Variants in ZNF195 observed in about 807,000 individuals in gnomAD.
ZNF195 encodes zinc finger protein 195.
In ZNF195, 11 loss-of-function variants were observed where a neutral mutation model predicts 19.5. That is an observed-to-expected ratio of 0.57 (90% CI 0.36 to 0.94). ZNF195 has a LOEUF of 0.94. ZNF195 is among the 40% of genes least tolerant of loss of function. The pLI is 0.01. For synonymous variants in ZNF195, 214 were observed against 248.1 expected (o/e 0.86, Z 1.29); for missense variants, 582 against 709.0 (o/e 0.82, Z 2.03).
intron 3 of ZNF195, chr11:3,366,777 G>A: frequency 3.3e-6 from 1 of 299,904 alleles, no homozygotes. Flanking sequence ...AGCATAGGCC[G>A]GGCACACTGG....
chr11:3,365,497 C>G (rs1848833415), intron 3 of ZNF195, among the ~76,000 whole-genome samples: 1 of 152,162 alleles, frequency 6.6e-6, no homozygotes, highest in African/African-American at 2.4e-5. Context: ...GAAATTAAAA[C>G]CCTTGAACAT....
intron 3 of ZNF195, chr11:3,366,567 C>T (rs7117249): frequency 0.64 from 97,195 of 152,210 alleles, 31,601 homozygotes; most frequent in Middle Eastern, 0.73. Context: ...GATATGGAAA[C>T]GCCCAACAAG....
At chr11:3,367,314 A>G (rs946203804) in intron 3 of ZNF195, among the ~76,000 whole-genome samples, 7 of 152,072 alleles carry the variant, frequency 4.6e-5, no homozygotes, top group African/African-American at 1.7e-4. Flanking sequence ...AAACAGTAAT[A>G]TGGAATTACA....
At chr11:3,372,896 T>A (rs1245615699) in intron 1 of ZNF195, among the ~76,000 whole-genome samples, 1 of 152,168 alleles carries the variant, frequency 6.6e-6, no homozygotes. Flanking sequence ...CACGCTTGGA[T>A]AATTTTTGTA....
At chr11:3,367,142 C>G (rs893143888) in intron 3 of ZNF195, 3 of 315,568 alleles carry the variant, frequency 9.5e-6, no homozygotes, top group African/African-American at 6.6e-5. Context: ...ATTTCTAGAT[C>G]TATATCAAAA....
In ZNF195 at chr11:3,377,640, G is replaced by A. The variant is rs750251870; in HGVS notation, c.3+1398C>T. 1.6e-5 allele frequency: 20 copies of A among 1,240,810 alleles called. No homozygotes were observed. In the East Asian group the frequency reaches 9.2e-4, roughly 57 times the overall value. 76.9% of individuals were successfully genotyped at this position (1,240,810 alleles called of 1,614,324 possible). A position where few individuals can be genotyped will look rare whatever the true frequency, so the allele number is the denominator to read the frequency against. ...ACCTCTTTAGAGGAAGAGTAGACCAGGAGATTTCTCTCAGCCCAGGGCATC... is the reference window on the plus strand; with the variant it reads ...ACCTCTTTAGAGGAAGAGTAGACCAAGAGATTTCTCTCAGCCCAGGGCATC... On this transcript the variant is annotated intron_variant, in intron 1 of 5. Coordinates refer to ENST00000399602, the MANE Select transcript of ZNF195 (RefSeq NM_001130520.3).
chr11:3,376,852 C>T (rs1160515440), intron 1 of ZNF195, among the ~76,000 whole-genome samples: 1 of 152,162 alleles, frequency 6.6e-6, no homozygotes, highest in Non-Finnish European at 1.5e-5. Flanking sequence ...ACAAATTCAT[C>T]CTGCAAAAAG....
chr11:3,367,560 T>C (rs1848960563), intron 3 of ZNF195, among the ~76,000 whole-genome samples: 1 of 152,034 alleles, frequency 6.6e-6, no homozygotes, highest in South Asian at 2.1e-4. Context: ...TAAAGGTAAT[T>C]TTTATTATAT....
chr11:3,371,417 A>AT (rs35283037), intron 2 of ZNF195, among the ~76,000 whole-genome samples, 160 bp downstream of exon 2: 32 of 149,600 alleles, frequency 2.1e-4, no homozygotes, highest in South Asian at 1.5e-3. Context: ...CATTTTGAAG[A>AT]TTTTTTTTTT....
intron 3 of ZNF195, among the ~76,000 whole-genome samples, chr11:3,370,384 AAAAAT>A (rs1432442088): frequency 5.3e-5 from 8 of 152,348 alleles, no homozygotes; most frequent in East Asian, 1.9e-4. Flanking sequence ...TCATACTAAA[AAAAAT>A]AAAATAAAAT....
chr11:3,368,731 C>T (rs987961295), intron 3 of ZNF195: 11 of 401,200 alleles, frequency 2.7e-5, no homozygotes, highest in South Asian at 5.4e-5. Context: ...GGAAAACTGC[C>T]GCAGAGACCA....
chr11:3,377,661 G>T, intron 1 of ZNF195: 1 of 1,245,566 alleles, frequency 8.0e-7, no homozygotes, highest in South Asian at 1.4e-5. Context: ...TCAGCCCAGG[G>T]CATCCAGCTG....
chr11:3,373,441 A>G (rs1338615079), intron 1 of ZNF195: 3 of 713,394 alleles, frequency 4.2e-6, no homozygotes, highest in South Asian at 3.3e-5. Context: ...CTTCATTATT[A>G]TAAGAAAAAA....
At chr11:3,362,101 T>C (rs1848664139) in intron 3 of ZNF195, 3 of 391,116 alleles carry the variant, frequency 7.7e-6, no homozygotes, top group East Asian at 7.6e-5. Context: ...TTGGATGAGA[T>C]AGTCTAATTG....
At chr11:3,363,630 G>C (rs915658959) in intron 3 of ZNF195, among the ~76,000 whole-genome samples, 1 of 152,184 alleles carries the variant, frequency 6.6e-6, no homozygotes, top group Non-Finnish European at 1.5e-5. Context: ...ATCTCTTTCA[G>C]ATTTTGAATC....
intron 5 of ZNF195, 52 bp from the exon 6 acceptor site, chr11:3,360,617 T>C: frequency 1.9e-6 from 3 of 1,553,884 alleles, no homozygotes; most frequent in Non-Finnish European, 2.6e-6. Flanking sequence ...ATGAATACAC[T>C]TTATGAATCT....
At chr11:3,373,381 A>AT (rs1409943832) in intron 1 of ZNF195, among the ~76,000 whole-genome samples, 2 of 152,248 alleles carry the variant, frequency 1.3e-5, no homozygotes, top group African/African-American at 4.8e-5. Context: ...CAAGGTGAAG[A>AT]TAACAGAGAG....
intron 3 of ZNF195, 155 bp from the exon 4 acceptor site, chr11:3,362,044 A>C (rs1395167014): frequency 2.2e-6 from 1 of 446,046 alleles, no homozygotes; most frequent in East Asian, 7.1e-5. Context: ...TGAGTGACAG[A>C]ATAAATCCCT....
At position 3,359,070 on chromosome 11, in the gene ZNF195, A is replaced by G; in HGVS notation, c.*48T>C. On this transcript the variant is annotated 3_prime_UTR_variant, in exon 6 of 6. Transcript: ENST00000399602. The surrounding 1 kb of genome is among the most constrained non-coding windows in gnomAD (Gnocchi z 5.5). The stretch of plus-strand genomic sequence containing the variant: ...GAACTCTGATGTAAAGTGGGATGCG[A>G]GCAGATACTAACGGCTTTGCCTATT... 6.7e-7 allele frequency: 1 copy of G among 1,501,402 alleles called. No individual in the cohort carries two copies. 93.0% of individuals were successfully genotyped at this position (1,501,402 alleles called of 1,614,324 possible).
Sources: allele counts gnomAD v4.1 joint callset (sites outside exome capture counted in the v4.1 genomes callset), GRCh38; gene constraint gnomAD v4.1.1; non-coding constraint Gnocchi (gnomAD v3.1); transcripts MANE v1.5; gene names NCBI Gene and HGNC (gene_info 2026-07-23, HGNC 2026-07-21).